LPGAT1: variants seen among roughly 807,000 people sequenced by gnomAD.
LPGAT1 encodes lysophosphatidylglycerol acyltransferase 1, also known as acyl-CoA:lysophosphatidylglycerol acyltransferase 1.
LPGAT1 carries 11 observed loss-of-function variants against 47.5 expected under a neutral mutation model. That is an observed-to-expected ratio of 0.23 (90% CI 0.15 to 0.38). LPGAT1 has a LOEUF of 0.38. LPGAT1 is among the 10% of genes least tolerant of loss of function. The pLI, the probability that LPGAT1 is intolerant of heterozygous loss-of-function variation, is 1.00. For missense variants in LPGAT1, 293 were observed against 439.0 expected, an observed-to-expected ratio of 0.67 and a Z score of 2.97; for synonymous variants, 138 against 144.2, an observed-to-expected ratio of 0.96 and a Z score of 0.31.
chr1:211,745,195 TC>T lies in LPGAT1; in HGVS notation c.*4703del. 6.5e-6 allele frequency: 1 copy of T among 152,738 alleles called. No individual in the cohort carries two copies. Among genetic ancestry groups the T allele is most frequent in the Non-Finnish European group, 1.5e-5 (1 of 68,026 alleles). 9.5% of individuals were successfully genotyped at this position (152,738 alleles called of 1,614,324 possible). A position where few individuals can be genotyped will look rare whatever the true frequency, so the allele number is the denominator to read the frequency against. On this transcript the variant is annotated 3_prime_UTR_variant, in exon 8 of 8. Coordinates refer to ENST00000366997, the MANE Select transcript of LPGAT1 (RefSeq NM_014873.3). Reference sequence around the variant, plus strand: ...ATTACAGTTGCCACAGCCTTTACATTCATTCTTATCACACGTTACAACATGC... The same window carrying T: ...ATTACAGTTGCCACAGCCTTTACATTATTCTTATCACACGTTACAACATGC...
intron 2 of LPGAT1, among the ~76,000 whole-genome samples, chr1:211,822,607 T>A (rs1443670357): frequency 6.6e-6 from 1 of 151,888 alleles, no homozygotes; most frequent in African/African-American, 2.4e-5. Context: ...TGAAACCCCA[T>A]CTCTACTAAA....
intron 6 of LPGAT1, among the ~76,000 whole-genome samples, chr1:211,762,637 A>G (rs756093070): frequency 2.0e-5 from 3 of 152,218 alleles, no homozygotes; most frequent in Non-Finnish European, 4.4e-5. Context: ...AACCTTTACA[A>G]TACCAATAGC....
At chr1:211,778,817 A>ACTATTT in intron 6 of LPGAT1, 101 bp downstream of exon 6, 1 of 958,086 alleles carries the variant, frequency 1.0e-6, no homozygotes, top group Non-Finnish European at 1.4e-6. Flanking sequence ...ACTTGAGCCA[A>ACTATTT]CTATTTCTAC....
intron 6 of LPGAT1, among the ~76,000 whole-genome samples, chr1:211,769,863 T>C (rs1465097547): frequency 6.6e-6 from 1 of 152,176 alleles, no homozygotes; most frequent in Non-Finnish European, 1.5e-5. Flanking sequence ...CTGTATCTTG[T>C]GCCATAACCT....
At chr1:211,775,248 C>T (rs1320512297) in intron 6 of LPGAT1, among the ~76,000 whole-genome samples, 1 of 152,206 alleles carries the variant, frequency 6.6e-6, no homozygotes, top group Non-Finnish European at 1.5e-5. Flanking sequence ...ACCCGCAAGG[C>T]AGAGGTTACA....
intron 1 of LPGAT1, 99 bp from the exon 2 acceptor site, chr1:211,829,422 G>A: frequency 1.3e-6 from 2 of 1,508,708 alleles, no homozygotes; most frequent in East Asian, 2.3e-5. Context: ...ATAAAACAGC[G>A]AGGGTCGAAG....
Position 211,778,929 on chromosome 1 carries a change from A to G in LPGAT1, c.843T>C (p.His281=). 15 of 1,602,712 alleles carry G rather than the reference A, an allele frequency of 9.4e-6. No individual in the cohort carries two copies. Among genetic ancestry groups the G allele is most frequent in the Non-Finnish European group, 1.3e-5 (15 of 1,176,010 alleles). ...TATAGAATTCTTACCTGTAATGTAC[A>G]TGTGTGACTGTTGGTTTCCTGTATC... ...ILGYRKPTVT[H]VHYRIFPIKD... is the part of the protein sequence containing the mutation. Residue 281 remains histidine (H), a synonymous_variant, in exon 6 of 8, where the codon CAT becomes CAC. Coordinates refer to ENST00000366997, the MANE Select transcript of LPGAT1 (RefSeq NM_014873.3).
rs139850496 is a variant in LPGAT1, at chr1:211,814,384, C to T, written c.238+14675G>A. 2.4e-3 allele frequency among the ~76,000 whole-genome samples: 372 copies of T among 152,188 alleles called. 3 individuals carry two copies. The highest frequency in any genetic ancestry group is 8.3e-3 in the African/African-American group (345 of 41,532). On this transcript the variant is annotated intron_variant, in intron 2 of 7. Transcript: ENST00000366997. ...TAGAAATTTTCAAAGAAACAAAGAACAGATTTTGGGGAGAGGAAGAATGAA... is the reference window on the plus strand; with the variant it reads ...TAGAAATTTTCAAAGAAACAAAGAATAGATTTTGGGGAGAGGAAGAATGAA...
intron 6 of LPGAT1, among the ~76,000 whole-genome samples, chr1:211,770,752 G>A (rs114864186): frequency 0.01 from 1,561 of 152,246 alleles, 18 homozygotes; most frequent in Non-Finnish European, 0.016. Context: ...CTCACTCAGA[G>A]CAACTCCCAG....
chr1:211,829,455 T>C, intron 1 of LPGAT1, 132 bp from the exon 2 acceptor site: 1 of 1,450,314 alleles, frequency 6.9e-7, no homozygotes, highest in Non-Finnish European at 9.0e-7. Context: ...AGTACCTCGG[T>C]GATCTCTCAG....
At chr1:211,818,221 T>G (rs1300856920) in intron 2 of LPGAT1, among the ~76,000 whole-genome samples, 4 of 152,136 alleles carry the variant, frequency 2.6e-5, no homozygotes, top group South Asian at 2.1e-4. Flanking sequence ...AGAAATAGAC[T>G]AGTAATTATA....
chr1:211,809,953 T>C (rs1659908176), intron 2 of LPGAT1, among the ~76,000 whole-genome samples: 1 of 152,104 alleles, frequency 6.6e-6, no homozygotes, highest in Non-Finnish European at 1.5e-5. Context: ...GTGTACAACA[T>C]GAATACCTCT....
In LPGAT1 at chr1:211,829,500, G is replaced by C. The variant is rs1041308161; in HGVS notation, c.-27-177C>G. ...CAGAGGGGGACAGAGAGCGAGGGAG[G>C]AGGAGCCGCACAAGGTCAAGGGAGC... On this transcript the variant is annotated intron_variant, in intron 1 of 7. Transcript: ENST00000366997. The C allele has an allele frequency of 2.8e-6, 4 of 1,430,028 alleles. No individual in the cohort carries two copies. In the African/African-American group the frequency reaches 5.8e-5, roughly 21 times the overall value. The allele number at this position is 1,430,028 out of a possible 1,614,324, so 88.6% of individuals were successfully genotyped here.
chr1:211,757,075 G>A (rs1657492062), intron 6 of LPGAT1, among the ~76,000 whole-genome samples: 1 of 151,826 alleles, frequency 6.6e-6, no homozygotes, highest in South Asian at 2.1e-4. Flanking sequence ...TGGCCAACAT[G>A]GTGAAACCTC....
intron 7 of LPGAT1, 129 bp downstream of exon 7, chr1:211,750,832 T>A: frequency 3.1e-6 from 2 of 645,982 alleles, no homozygotes; most frequent in Admixed American, 5.7e-5. Context: ...ATGAGGGGAT[T>A]TGCTTCTCAC....
intron 6 of LPGAT1, among the ~76,000 whole-genome samples, chr1:211,778,665 TTTGAG>T (rs1159260409): frequency 1.3e-5 from 2 of 152,322 alleles, no homozygotes; most frequent in Admixed American, 1.3e-4. Flanking sequence ...ATGTTTGCCC[TTTGAG>T]TTAACTTTTA....
chr1:211,744,785 G>A lies in LPGAT1; in HGVS notation c.*5114C>T, dbSNP rs1003139830. Reference sequence around the variant, plus strand: ...ACATTTACCAGCACACCACTGGATTGGGAGAATGGGGAGAAAGGGGGAAAT... The same window carrying A: ...ACATTTACCAGCACACCACTGGATTAGGAGAATGGGGAGAAAGGGGGAAAT... On this transcript the variant is annotated 3_prime_UTR_variant, in exon 8 of 8. Coordinates refer to ENST00000366997, the MANE Select transcript of LPGAT1 (RefSeq NM_014873.3). 4 of 145,746 alleles carry A rather than the reference G, an allele frequency of 2.7e-5. No homozygotes were observed. The highest frequency in any genetic ancestry group is 1.1e-4 in the African/African-American group (4 of 35,370). The allele number at this position is 145,746 out of a possible 1,614,324, so 9.0% of individuals were successfully genotyped here. A position where few individuals can be genotyped will look rare whatever the true frequency, so the allele number is the denominator to read the frequency against.
chr1:211,807,177 T>C (rs1659791144), intron 2 of LPGAT1, among the ~76,000 whole-genome samples: 1 of 152,028 alleles, frequency 6.6e-6, no homozygotes, highest in African/African-American at 2.4e-5. Flanking sequence ...CAAAAGCTCC[T>C]CCCCAAATGA....
intron 6 of LPGAT1, among the ~76,000 whole-genome samples, chr1:211,760,777 A>G (rs1343235195): frequency 1.3e-5 from 2 of 152,194 alleles, no homozygotes; most frequent in Non-Finnish European, 2.9e-5. Context: ...ACGGTTCTAG[A>G]CAGAAGGGTG....
Sources: gnomAD v4.1 joint callset for allele counts (sites outside exome capture counted in the v4.1 genomes callset) on GRCh38, gnomAD v4.1.1 for gene constraint, MANE v1.5 for transcripts, NCBI Gene and HGNC (gene_info 2026-07-23, HGNC 2026-07-21) for gene names.